The following GABRA5 variants were observed in gnomAD, a reference collection of about 807,000 sequenced individuals.
GABRA5 encodes the protein gamma-aminobutyric acid receptor subunit alpha-5.
In GABRA5, 18 loss-of-function variants were observed where a neutral mutation model predicts 47.3. The ratio of observed to expected loss-of-function variants is 0.38; its 90% CI spans 0.26 to 0.56. GABRA5 has a LOEUF of 0.56. GABRA5 is among the 20% of genes least tolerant of loss of function. The pLI, the probability that GABRA5 is intolerant of heterozygous loss-of-function variation, is 0.71. For synonymous variants in GABRA5, 237 were observed against 229.3 expected (o/e 1.03, Z -0.30); for missense variants, 365 against 599.3 (o/e 0.61, Z 4.08).
At chr15:26,917,069 C>A (rs1893733252) in intron 7 of GABRA5, among the ~76,000 whole-genome samples, 1 of 151,872 alleles carries the variant, frequency 6.6e-6, no homozygotes, top group Admixed American at 6.6e-5. Context: ...ATTTCCTTTT[C>A]TTGTTGAATC....
Position 26,947,797 on chromosome 15 carries a change from C to T in GABRA5, c.1090-137C>T, listed in dbSNP as rs535190307. On this transcript the variant is annotated intron_variant, in intron 10 of 10. Coordinates refer to ENST00000335625, the MANE Select transcript of GABRA5 (RefSeq NM_000810.4). ...TGTGCCCTGTCTGCAGGCTACCTGG[C>T]GACATCAGTGGAGGAGGGCCCTCTC... 5.7e-5 allele frequency: 40 copies of T among 705,734 alleles called. 1 individual carries two copies. Among genetic ancestry groups the T allele is most frequent in the Middle Eastern group, 3.6e-4 (1 of 2,806 alleles). The allele number at this position is 705,734 out of a possible 1,614,324, so 43.7% of individuals were successfully genotyped here.
chr15:26,942,135 G>C (rs767616765), intron 9 of GABRA5, among the ~76,000 whole-genome samples: 4 of 152,180 alleles, frequency 2.6e-5, no homozygotes, highest in Non-Finnish European at 4.4e-5. Context: ...TCTCCTTGCT[G>C]GCGAGCTTGG....
chr15:26,904,447 C>T (rs1893395690), intron 6 of GABRA5, among the ~76,000 whole-genome samples: 1 of 152,078 alleles, frequency 6.6e-6, no homozygotes, highest in South Asian at 2.1e-4. Flanking sequence ...GCTATTCAGG[C>T]TCTTTTTTGA....
chr15:26,916,115 A>G (rs1009098460), intron 7 of GABRA5, among the ~76,000 whole-genome samples: 2 of 151,128 alleles, frequency 1.3e-5, no homozygotes, highest in Admixed American at 6.6e-5. Context: ...ATATCTTTCT[A>G]CTCCTTTTTT....
intron 6 of GABRA5, among the ~76,000 whole-genome samples, chr15:26,885,779 G>C (rs182323753): frequency 6.6e-6 from 1 of 152,306 alleles, no homozygotes; most frequent in Admixed American, 6.5e-5. Flanking sequence ...CCTGTGTGTA[G>C]ACAGCAGGTG....
intron 6 of GABRA5, among the ~76,000 whole-genome samples, chr15:26,893,323 C>CT (rs1893069651): frequency 5.3e-5 from 1 of 18,796 alleles, no homozygotes; most frequent in Non-Finnish European, 1.1e-4. Flanking sequence ...GTGTATATGG[C>CT]GTGTTGTGTG....
chr15:26,931,564 C>G (rs1379837205), intron 7 of GABRA5, among the ~76,000 whole-genome samples: 3 of 152,184 alleles, frequency 2.0e-5, no homozygotes, highest in African/African-American at 7.2e-5. Flanking sequence ...GTTAAGCATT[C>G]AGCACTCAGC....
intron 4 of GABRA5, 55 bp downstream of exon 4, chr15:26,881,022 T>A: frequency 6.3e-7 from 1 of 1,588,346 alleles, no homozygotes; most frequent in Non-Finnish European, 8.6e-7. Context: ...GGCTTAAGTC[T>A]CGTCTCAAGC....
intron 4 of GABRA5, among the ~76,000 whole-genome samples, chr15:26,881,650 C>G (rs1020658305): frequency 3.3e-5 from 5 of 152,278 alleles, no homozygotes; most frequent in African/African-American, 1.2e-4. Context: ...GAGGTAGACA[C>G]TTTCCAGTGA....
intron 6 of GABRA5, among the ~76,000 whole-genome samples, chr15:26,891,437 G>A (rs2140266922): frequency 6.6e-6 from 1 of 152,240 alleles, no homozygotes; most frequent in Admixed American, 6.5e-5. Context: ...AAACCTCCTG[G>A]CCTCTCCCTA....
At chr15:26,870,950 G>A (rs886640946) in intron 3 of GABRA5, among the ~76,000 whole-genome samples, 5 of 152,178 alleles carry the variant, frequency 3.3e-5, no homozygotes, top group Admixed American at 2.0e-4. Context: ...CCAGCACTTT[G>A]GGAGGCCAAG....
chr15:26,867,494 G>C lies in GABRA5; in HGVS notation c.-140+383G>C, dbSNP rs1595387940. ...ACCCTTCTCCTCGGGGCGCCTGAGC[G>C]GCAGGCTGCGTGGCCGGGGAGGAGA... On this transcript the variant is annotated intron_variant, in intron 1 of 10. Coordinates refer to ENST00000335625, the MANE Select transcript of GABRA5 (RefSeq NM_000810.4). This position sits in a 1 kb window ranked among gnomAD's most constrained non-coding sequence, Gnocchi z 5.9. The C allele has an allele frequency of 1.3e-5, 2 of 152,400 alleles. No individual in the cohort carries two copies. 9.4% of individuals were successfully genotyped at this position (152,400 alleles called of 1,614,324 possible).
At chr15:26,941,896 T>A in intron 9 of GABRA5, among the ~76,000 whole-genome samples, 1 of 152,230 alleles carries the variant, frequency 6.6e-6, no homozygotes, top group Admixed American at 6.5e-5. Flanking sequence ...CATTTTAACT[T>A]AATTATTTCT....
chr15:26,905,210 A>G (rs1247572131), intron 6 of GABRA5, among the ~76,000 whole-genome samples: 2 of 151,988 alleles, frequency 1.3e-5, no homozygotes, highest in African/African-American at 2.4e-5. Flanking sequence ...GTGGCTGTTT[A>G]TCTGGAATAT....
chr15:26,931,917 T>C (rs1894117469), intron 7 of GABRA5, among the ~76,000 whole-genome samples: 1 of 152,048 alleles, frequency 6.6e-6, no homozygotes, highest in Non-Finnish European at 1.5e-5. Flanking sequence ...AGGCAGGATA[T>C]GCAGAAAATT....
chr15:26,920,760 G>C (rs1230365431), intron 7 of GABRA5, among the ~76,000 whole-genome samples: 4 of 152,114 alleles, frequency 2.6e-5, no homozygotes, highest in East Asian at 3.9e-4. Context: ...CAGAGATTCT[G>C]GGGACCTCTC....
chr15:26,869,942 C>T (rs188595157), intron 3 of GABRA5, among the ~76,000 whole-genome samples: 17 of 152,290 alleles, frequency 1.1e-4, no homozygotes, highest in Admixed American at 2.0e-4. Flanking sequence ...CTTTAGTATC[C>T]GCATACCAAC....
chr15:26,914,758 TAG>T, intron 6 of GABRA5, 43 bp from the exon 7 acceptor site: 1 of 1,472,568 alleles, frequency 6.8e-7, no homozygotes, highest in Non-Finnish European at 9.5e-7. Flanking sequence ...AGTGAATGGC[TAG>T]AGTGAGAGAG....
At chr15:26,898,138 C>T (rs1566872751) in intron 6 of GABRA5, among the ~76,000 whole-genome samples, 1 of 152,176 alleles carries the variant, frequency 6.6e-6, no homozygotes, top group Non-Finnish European at 1.5e-5. Flanking sequence ...AGGGTTGGAT[C>T]ACTTTCTTAG....
Sources: gnomAD v4.1 joint callset for allele counts (sites outside exome capture counted in the v4.1 genomes callset) on GRCh38, gnomAD v4.1.1 for gene constraint, Gnocchi (gnomAD v3.1) non-coding constraint, MANE v1.5 for transcripts, NCBI Gene and HGNC (gene_info 2026-07-23, HGNC 2026-07-21) for gene names.